TRHDE: variants seen among roughly 807,000 people sequenced by gnomAD.
TRHDE encodes thyrotropin-releasing hormone-degrading ectoenzyme.
In TRHDE, 72 loss-of-function variants were observed where a neutral mutation model predicts 125.7. That is an observed-to-expected ratio of 0.57 (90% CI 0.47 to 0.70). TRHDE has a LOEUF of 0.70. TRHDE is among the 30% of genes least tolerant of loss of function. TRHDE has a pLI of 0.00. For missense variants in TRHDE, 1,110 were observed against 1,327.1 expected (o/e 0.84, Z 2.54); for synonymous variants, 509 against 509.1 (o/e 1.00, Z 0.00).
chr12:72,644,723 G>C (rs1000687041), intron 15 of TRHDE, among the ~76,000 whole-genome samples: 2 of 152,102 alleles, frequency 1.3e-5, no homozygotes, highest in African/African-American at 2.4e-5. Flanking sequence ...CCCAGCTCTT[G>C]GTTTCCCCAT....
chr12:72,354,098 A>C (rs1870707599), intron 2 of TRHDE, among the ~76,000 whole-genome samples: 1 of 151,640 alleles, frequency 6.6e-6, no homozygotes, highest in African/African-American at 2.4e-5. Flanking sequence ...AATACTTAAA[A>C]GAAATTCACT....
At position 72,273,381 on chromosome 12, in the gene TRHDE, G is replaced by T. The variant is rs376667314; in HGVS notation, c.738G>T (p.Gly246=). Residue 246 remains glycine, a synonymous_variant, in exon 1 of 19, where the codon GGG becomes GGT. Transcript: ENST00000261180. The surrounding 1 kb of genome is among the most constrained non-coding windows in gnomAD (Gnocchi z 5.3). ...KVQLAEDRAF[G]AVPVAGFFLY... is the part of the protein sequence containing the mutation. ...AGCTGGCCGAGGACCGGGCGTTCGGGGCTGTCCCTGTAGCCGGTTTTTTCC... is the reference window on the plus strand; with the variant it reads ...AGCTGGCCGAGGACCGGGCGTTCGGTGCTGTCCCTGTAGCCGGTTTTTTCC... 27 of 1,614,060 alleles carry T rather than the reference G, an allele frequency of 1.7e-5. No homozygotes were observed. Among genetic ancestry groups the T allele is most frequent in the Admixed American group, 3.3e-5 (2 of 60,014 alleles).
At chr12:72,117,491 A>G (rs892366690) in intron 2 of TRHDE, among the ~76,000 whole-genome samples, 1 of 152,112 alleles carries the variant, frequency 6.6e-6, no homozygotes, top group African/African-American at 2.4e-5. Flanking sequence ...TCTGTAGCAT[A>G]ATTTGAAGTT....
chr12:72,166,907 CGT>C (rs59590935), intron 2 of TRHDE, among the ~76,000 whole-genome samples: 23,791 of 139,028 alleles, frequency 0.17, 1,996 homozygotes, highest in African/African-American at 0.22. Flanking sequence ...GGTAGATGAA[CGT>C]GTGTGTGTGT....
intron 2 of TRHDE, among the ~76,000 whole-genome samples, chr12:72,145,841 G>C (rs562234293): frequency 4.4e-4 from 67 of 152,210 alleles, no homozygotes; most frequent in African/African-American, 1.5e-3. Context: ...AGTGCATGTA[G>C]TGCCCAAATA....
intron 2 of TRHDE, among the ~76,000 whole-genome samples, chr12:72,198,381 G>T (rs778532390): frequency 1.3e-5 from 2 of 151,906 alleles, no homozygotes; most frequent in Non-Finnish European, 2.9e-5. Flanking sequence ...TTAAAATAAG[G>T]ATATGCTTTA....
At chr12:72,462,422 T>A (rs1262917422) in intron 3 of TRHDE, among the ~76,000 whole-genome samples, 1 of 152,166 alleles carries the variant, frequency 6.6e-6, no homozygotes, top group Non-Finnish European at 1.5e-5. Flanking sequence ...ACCATGGAAT[T>A]CATGACCAGA....
chr12:72,379,289 T>C (rs1230690365), intron 3 of TRHDE, among the ~76,000 whole-genome samples: 2 of 152,252 alleles, frequency 1.3e-5, no homozygotes, highest in Non-Finnish European at 2.9e-5. Flanking sequence ...TACAAAATTC[T>C]GAAATCTTTT....
chr12:72,215,057 A>G (rs1877857836), intron 2 of TRHDE, among the ~76,000 whole-genome samples: 1 of 152,184 alleles, frequency 6.6e-6, no homozygotes. Flanking sequence ...TGTGAGCAAT[A>G]AAGTTTTTAA....
intron 10 of TRHDE, among the ~76,000 whole-genome samples, chr12:72,569,080 A>G (rs1187144357): frequency 1.3e-5 from 2 of 152,136 alleles, no homozygotes; most frequent in African/African-American, 4.8e-5. Context: ...AATATTCTCC[A>G]TGGAATTATA....
intron 2 of TRHDE, among the ~76,000 whole-genome samples, chr12:72,369,941 C>T (rs991007956): frequency 6.6e-6 from 1 of 152,034 alleles, no homozygotes; most frequent in Non-Finnish European, 1.5e-5. Context: ...AAGATTTACT[C>T]TCTATGTTAT....
intron 3 of TRHDE, among the ~76,000 whole-genome samples, chr12:72,459,298 CTG>C (rs931411726): frequency 3.9e-5 from 6 of 152,286 alleles, no homozygotes; most frequent in African/African-American, 1.4e-4. Flanking sequence ...AATCTTAATT[CTG>C]TGTGCAACCT....
At chr12:72,344,721 A>G (rs1870235603) in intron 2 of TRHDE, among the ~76,000 whole-genome samples, 1 of 152,084 alleles carries the variant, frequency 6.6e-6, no homozygotes, top group Admixed American at 6.6e-5. Context: ...TAATACATGC[A>G]GAAGTGGAGG....
rs1875216415 is a variant in TRHDE, at chr12:72,670,270, GATAA to G, written c.*7078_*7081del. Reference sequence around the variant, plus strand: ...TAAATAACCTTTTGTTAGTTTAGCAGATAAATGTTTTCAATGTATGCCTTTAAAA... The same window carrying G: ...TAAATAACCTTTTGTTAGTTTAGCAGATGTTTTCAATGTATGCCTTTAAAA... On this transcript the variant is annotated 3_prime_UTR_variant, in exon 19 of 19. Transcript: ENST00000261180. The G allele has an allele frequency of 6.6e-6, 1 of 151,680 alleles. No homozygotes were observed. Among genetic ancestry groups the G allele is most frequent in the Non-Finnish European group, 1.5e-5 (1 of 67,786 alleles). The allele number at this position is 151,680 out of a possible 1,614,324, so 9.4% of individuals were successfully genotyped here. A position where few individuals can be genotyped will look rare whatever the true frequency, so the allele number is the denominator to read the frequency against.
At chr12:72,537,382 C>T (rs1419723657) in intron 6 of TRHDE, among the ~76,000 whole-genome samples, 1 of 151,938 alleles carries the variant, frequency 6.6e-6, no homozygotes, top group Non-Finnish European at 1.5e-5. Flanking sequence ...CGGTTTCCCC[C>T]ATACTGTTAC....
chr12:72,637,725 A>G (rs1393449396), intron 15 of TRHDE, among the ~76,000 whole-genome samples: 1 of 152,178 alleles, frequency 6.6e-6, no homozygotes, highest in Non-Finnish European at 1.5e-5. Context: ...GTTGGTTTCA[A>G]AGAACACCTT....
At chr12:72,447,506 G>A (rs915692021) in intron 3 of TRHDE, among the ~76,000 whole-genome samples, 3 of 152,038 alleles carry the variant, frequency 2.0e-5, no homozygotes, top group Admixed American at 6.6e-5. Context: ...TGAGTAGTAA[G>A]GTTCTAGACC....
chr12:72,135,675 C>CTTG (rs146696929), intron 2 of TRHDE, among the ~76,000 whole-genome samples: 5,344 of 151,942 alleles, frequency 0.035, 161 homozygotes, highest in African/African-American at 0.085. Context: ...ATACAAGTGC[C>CTTG]TTGTGTGGAT....
rs144461227 is a variant in TRHDE, at chr12:72,312,747, A to T, written c.1188+25793A>T. ...CCACTTTTTAAGGTTATGCCACTTA[A>T]AAAAATGAGATAAACATCAGCTTCG... On this transcript the variant is annotated intron_variant, in intron 2 of 18. Coordinates refer to ENST00000261180, the MANE Select transcript of TRHDE (RefSeq NM_013381.3). 7.9e-5 allele frequency among the ~76,000 whole-genome samples: 12 copies of T among 152,290 alleles called. 1 individual carries two copies. In the East Asian group the frequency reaches 2.1e-3, roughly 27 times the overall value.
Sources: allele counts gnomAD v4.1 joint callset (sites outside exome capture counted in the v4.1 genomes callset), GRCh38; gene constraint gnomAD v4.1.1; non-coding constraint Gnocchi (gnomAD v3.1); transcripts MANE v1.5; gene names NCBI Gene and HGNC (gene_info 2026-07-23, HGNC 2026-07-21).